Variants in SLC35D4 observed in about 807,000 individuals in gnomAD.
SLC35D4 encodes solute carrier family 35 member D4, also known as UDP-N-acetylglucosamine transporter SLC35D4.
chr18:23,299,366 T>G, the SLC35D4 span, among the ~76,000 whole-genome samples: 1 of 152,082 alleles, frequency 6.6e-6, no homozygotes, highest in South Asian at 2.1e-4. Flanking sequence ...TCCTCAGTGG[T>G]CCTCCCGGTG....
the SLC35D4 span, among the ~76,000 whole-genome samples, chr18:23,411,557 T>C: frequency 8.6e-6 from 1 of 115,814 alleles, no homozygotes; most frequent in Non-Finnish European, 1.9e-5. Flanking sequence ...AAGAAAGGTG[T>C]GTGCTGTAGG....
chr18:23,396,738 A>AC, the SLC35D4 span, among the ~76,000 whole-genome samples: 3 of 151,780 alleles, frequency 2.0e-5, no homozygotes, highest in Admixed American at 1.3e-4. Flanking sequence ...ACACAGTGAG[A>AC]CCCCCATCTC....
the SLC35D4 span, among the ~76,000 whole-genome samples, chr18:23,322,969 A>G: frequency 6.6e-6 from 1 of 152,208 alleles, no homozygotes; most frequent in Non-Finnish European, 1.5e-5. Flanking sequence ...TACTTTTAGA[A>G]TGATAGATTT....
chr18:23,328,521 A>C, the SLC35D4 span, among the ~76,000 whole-genome samples: 1 of 152,244 alleles, frequency 6.6e-6, no homozygotes, highest in Non-Finnish European at 1.5e-5. Context: ...CTCCTCAAGG[A>C]GAACTACATA....
chr18:23,399,971 G>A, the SLC35D4 span, among the ~76,000 whole-genome samples: 1 of 152,190 alleles, frequency 6.6e-6, no homozygotes, highest in Non-Finnish European at 1.5e-5. Flanking sequence ...TGGATTTTAA[G>A]TAACCAAAAG....
At chr18:23,362,640 G>C in the SLC35D4 span, among the ~76,000 whole-genome samples, 1 of 151,958 alleles carries the variant, frequency 6.6e-6, no homozygotes, top group Non-Finnish European at 1.5e-5. Context: ...AACAAAGAAA[G>C]GCAATAAAGT....
the SLC35D4 span, among the ~76,000 whole-genome samples, chr18:23,283,302 G>C: frequency 6.6e-6 from 1 of 151,256 alleles, no homozygotes; most frequent in African/African-American, 2.4e-5. Context: ...GCCTGAGTGA[G>C]ACCCTATCCC....
chr18:23,359,452 C>T, the SLC35D4 span, among the ~76,000 whole-genome samples: 2 of 151,856 alleles, frequency 1.3e-5, no homozygotes, highest in African/African-American at 4.8e-5. Context: ...CAATGGAGTC[C>T]GAGTTAGGCC....
chr18:23,339,979 A>G, the SLC35D4 span, among the ~76,000 whole-genome samples: 1 of 152,226 alleles, frequency 6.6e-6, no homozygotes, highest in Non-Finnish European at 1.5e-5. Flanking sequence ...TTCCGCGAAT[A>G]GTGACCAAAG....
At chr18:23,404,202 G>A in the SLC35D4 span, among the ~76,000 whole-genome samples, 1 of 152,170 alleles carries the variant, frequency 6.6e-6, no homozygotes, top group Non-Finnish European at 1.5e-5. Flanking sequence ...AGCCTTCTGT[G>A]GCTTGGAAAG....
the SLC35D4 span, among the ~76,000 whole-genome samples, chr18:23,307,706 T>C: frequency 6.6e-6 from 1 of 152,224 alleles, no homozygotes; most frequent in Non-Finnish European, 1.5e-5. Flanking sequence ...GTGTTACTCA[T>C]GGCCCAAACC....
At chr18:23,332,982 C>T in the SLC35D4 span, among the ~76,000 whole-genome samples, 1 of 152,100 alleles carries the variant, frequency 6.6e-6, no homozygotes, top group Non-Finnish European at 1.5e-5. Flanking sequence ...ATAGTCTCAT[C>T]TCCACAGCCG....
chr18:23,328,815 G>T, the SLC35D4 span, among the ~76,000 whole-genome samples: 2 of 152,136 alleles, frequency 1.3e-5, no homozygotes, highest in African/African-American at 2.4e-5. Context: ...ATACTACAAG[G>T]CTACAGTAAT....
At chr18:23,411,479 G>GAA in the SLC35D4 span, among the ~76,000 whole-genome samples, 4 of 72,776 alleles carry the variant, frequency 5.5e-5, no homozygotes, top group Non-Finnish European at 2.9e-5. Context: ...AAGAAAGAAA[G>GAA]AGATAGAAAG....
At chr18:23,385,008 C>T in the SLC35D4 span, 16 of 1,613,718 alleles carry the variant, frequency 9.9e-6, no homozygotes, top group Non-Finnish European at 3.4e-6. Context: ...GAAAACACTT[C>T]TGGTACCCAC....
chr18:23,391,910 T>C, the SLC35D4 span, among the ~76,000 whole-genome samples: 1 of 152,152 alleles, frequency 6.6e-6, no homozygotes, highest in Non-Finnish European at 1.5e-5. Flanking sequence ...CATCATCTGT[T>C]ACCTTTTACT....
chr18:23,401,495 C>T, the SLC35D4 span, among the ~76,000 whole-genome samples: 6 of 152,190 alleles, frequency 3.9e-5, no homozygotes, highest in Non-Finnish European at 8.8e-5. Flanking sequence ...TGCAATGGAT[C>T]AGGGGTGACA....
chr18:23,299,731 TCTGGGGGAAGGCAGCAGGAGACA>T, the SLC35D4 span, among the ~76,000 whole-genome samples: 3 of 152,150 alleles, frequency 2.0e-5, no homozygotes, highest in African/African-American at 7.2e-5. Context: ...ATTAAAGGCC[TCTGGGGGAAGGCAGCAGGAGACA>T]CTGGTCAGTC....
chr18:23,329,549 G>A, the SLC35D4 span, among the ~76,000 whole-genome samples: 1 of 152,168 alleles, frequency 6.6e-6, no homozygotes, highest in Non-Finnish European at 1.5e-5. Context: ...TAAAAAGTCG[G>A]GAAACAACAG....
Sources: gnomAD v4.1 joint callset for allele counts (sites outside exome capture counted in the v4.1 genomes callset) on GRCh38, gnomAD v4.1.1 for gene constraint, MANE v1.5 for transcripts, NCBI Gene and HGNC (gene_info 2026-07-23, HGNC 2026-07-21) for gene names.